Variants in RIT2 observed in about 807,000 individuals in gnomAD.
RIT2 encodes the protein Ras like without CAAX 2.
A neutral mutation model predicts 23.7 loss-of-function variants in RIT2; 24 were observed. That is an observed-to-expected ratio of 1.01 (90% CI 0.73 to 1.43). The LOEUF is 1.43. RIT2 is among the 40% of genes most tolerant of loss of function. RIT2 has a pLI of 0.00. For missense variants in RIT2, 236 were observed against 266.9 expected, an observed-to-expected ratio of 0.88 and a Z score of 0.81; for synonymous variants, 107 against 91.1, an observed-to-expected ratio of 1.17 and a Z score of -0.99.
At chr18:42,939,962 C>T (rs1189058811) in intron 3 of RIT2, among the ~76,000 whole-genome samples, 1 of 151,880 alleles carries the variant, frequency 6.6e-6, no homozygotes, top group Non-Finnish European at 1.5e-5. Flanking sequence ...TGACCATTTC[C>T]TATTGCTTGT....
At chr18:42,799,794 A>T (rs904620261) in intron 4 of RIT2, among the ~76,000 whole-genome samples, 6 of 152,134 alleles carry the variant, frequency 3.9e-5, no homozygotes, top group African/African-American at 1.4e-4. Context: ...AAGTTCCCTG[A>T]TCCTGCACTT....
intron 4 of RIT2, among the ~76,000 whole-genome samples, chr18:42,838,517 C>T (rs906492432): frequency 6.6e-6 from 1 of 151,370 alleles, no homozygotes; most frequent in South Asian, 2.1e-4. Flanking sequence ...TCTAATCTTC[C>T]ATGGCAATTA....
intron 1 of RIT2, among the ~76,000 whole-genome samples, chr18:43,107,140 G>T (rs988642867): frequency 6.6e-6 from 1 of 152,174 alleles, no homozygotes; most frequent in African/African-American, 2.4e-5. Context: ...GAGATTTTAT[G>T]CTGGTTTATG....
intron 4 of RIT2, among the ~76,000 whole-genome samples, chr18:42,746,633 T>C (rs1446844602): frequency 6.6e-6 from 1 of 152,064 alleles, no homozygotes; most frequent in East Asian, 1.9e-4. Context: ...TAGTGAGATA[T>C]TTTAATGTGT....
chr18:42,993,622 G>T (rs919019897), intron 2 of RIT2, among the ~76,000 whole-genome samples: 6 of 151,938 alleles, frequency 3.9e-5, no homozygotes, highest in African/African-American at 1.5e-4. Context: ...ATCCCCACCT[G>T]CCCAGTTCCC....
chr18:42,881,839 C>T (rs1448466014), intron 4 of RIT2, among the ~76,000 whole-genome samples: 1 of 151,936 alleles, frequency 6.6e-6, no homozygotes, highest in Non-Finnish European at 1.5e-5. Flanking sequence ...TTATTCATGT[C>T]CAGTAGTAAC....
intron 4 of RIT2, among the ~76,000 whole-genome samples, chr18:42,804,685 G>A (rs1206596853): frequency 2.0e-5 from 3 of 151,448 alleles, no homozygotes; most frequent in East Asian, 3.9e-4. Flanking sequence ...CCTTGGTCCC[G>A]AAAGTAAGTG....
chr18:42,959,522 A>G, intron 3 of RIT2, among the ~76,000 whole-genome samples: 1 of 152,152 alleles, frequency 6.6e-6, no homozygotes, highest in East Asian at 1.9e-4. Flanking sequence ...GAAAATTTTC[A>G]TTTATCTTTC....
intron 1 of RIT2, among the ~76,000 whole-genome samples, chr18:43,044,499 C>A (rs562730435): frequency 1.2e-4 from 19 of 152,282 alleles, no homozygotes; most frequent in Admixed American, 9.8e-4. Context: ...CAAACCTATA[C>A]TTCCCAGAGT....
At chr18:42,827,958 C>G (rs117749526) in intron 4 of RIT2, among the ~76,000 whole-genome samples, 1 of 141,236 alleles carries the variant, frequency 7.1e-6, no homozygotes, top group Non-Finnish European at 1.5e-5. Flanking sequence ...TGAATGAGAT[C>G]GCGCCACTGC....
chr18:43,085,183 A>G (rs1913253578), intron 1 of RIT2, among the ~76,000 whole-genome samples: 1 of 152,104 alleles, frequency 6.6e-6, no homozygotes, highest in African/African-American at 2.4e-5. Context: ...AAACAAAAAG[A>G]AAAATAAAAG....
chr18:42,917,611 T>C (rs1167075194), intron 4 of RIT2, among the ~76,000 whole-genome samples: 1 of 152,124 alleles, frequency 6.6e-6, no homozygotes, highest in African/African-American at 2.4e-5. Flanking sequence ...ACTGACTAAA[T>C]AGAAATGTAT....
At chr18:42,900,131 T>C (rs2144105293) in intron 4 of RIT2, among the ~76,000 whole-genome samples, 1 of 152,216 alleles carries the variant, frequency 6.6e-6, no homozygotes, top group Admixed American at 6.5e-5. Context: ...CTAAATTGAA[T>C]GTGTGATTAA....
chr18:43,079,068 A>T (rs758806825), intron 1 of RIT2, among the ~76,000 whole-genome samples: 50 of 152,214 alleles, frequency 3.3e-4, no homozygotes, highest in Non-Finnish European at 7.1e-4. Flanking sequence ...AATTTGTTTC[A>T]TTTAAAAAGA....
intron 4 of RIT2, among the ~76,000 whole-genome samples, chr18:42,757,935 C>G (rs1462286066): frequency 6.6e-6 from 1 of 152,138 alleles, no homozygotes; most frequent in Non-Finnish European, 1.5e-5. Context: ...ACTCTTTCTC[C>G]TCTCAGGCAA....
chr18:42,782,121 A>C (rs186339437), intron 4 of RIT2, among the ~76,000 whole-genome samples: 8 of 152,288 alleles, frequency 5.3e-5, no homozygotes, highest in African/African-American at 1.9e-4. Context: ...ATTTTATCTG[A>C]TGTAAAAATT....
chr18:43,054,798 G>A (rs1248091973), intron 1 of RIT2, among the ~76,000 whole-genome samples: 1 of 152,064 alleles, frequency 6.6e-6, no homozygotes. Context: ...AATTTGATTA[G>A]AATGAATTAG....
chr18:43,112,393 G>A (rs2144254768), intron 1 of RIT2, among the ~76,000 whole-genome samples: 3 of 152,300 alleles, frequency 2.0e-5, no homozygotes, highest in African/African-American at 7.2e-5. Context: ...TGCAATGGGG[G>A]CTTCATAAAT....
chr18:42,789,160 C>A (rs983561691), intron 4 of RIT2, among the ~76,000 whole-genome samples: 3 of 152,116 alleles, frequency 2.0e-5, no homozygotes, highest in South Asian at 2.1e-4. Flanking sequence ...TTCATTCTAA[C>A]GCACCAACAA....
Sources: allele counts gnomAD v4.1 joint callset (sites outside exome capture counted in the v4.1 genomes callset), GRCh38; gene constraint gnomAD v4.1.1; transcripts MANE v1.5; gene names NCBI Gene and HGNC (gene_info 2026-07-23, HGNC 2026-07-21).